The following FAM209A variants were observed in gnomAD, a reference collection of about 807,000 sequenced individuals.
The protein encoded by FAM209A is protein FAM209A.
A neutral mutation model predicts 9.8 loss-of-function variants in FAM209A; 4 were observed. That is an observed-to-expected ratio of 0.41 (90% CI 0.20 to 0.94). The LOEUF (loss-of-function observed/expected upper bound fraction) is 0.94. Ranked by LOEUF, FAM209A falls within the 40% of genes least tolerant of loss-of-function variation. The pLI, the probability that FAM209A is intolerant of heterozygous loss-of-function variation, is 0.32. For synonymous variants in FAM209A, 55 were observed against 77.8 expected (o/e 0.71, Z 1.54); for missense variants, 205 against 209.4 (o/e 0.98, Z 0.13).
chr20:56,530,046 A>C (rs1215007451), downstream of FAM209A, among the ~76,000 whole-genome samples: 1 of 151,652 alleles, frequency 6.6e-6, no homozygotes, highest in Non-Finnish European at 1.5e-5. Flanking sequence ...ACAAAAATCC[A>C]CTCAACCACC....
chr20:56,532,983 A>G, the FAM209A span, among the ~76,000 whole-genome samples: 2 of 152,198 alleles, frequency 1.3e-5, no homozygotes, highest in Admixed American at 1.3e-4. Context: ...GGCACATGGC[A>G]TCTCCCTCTG....
downstream of FAM209A, among the ~76,000 whole-genome samples, chr20:56,530,798 T>C (rs1436446400): frequency 6.6e-6 from 1 of 151,722 alleles, no homozygotes; most frequent in African/African-American, 2.4e-5. Flanking sequence ...CATGAGCCAC[T>C]GCCCCTGGCC....
downstream of FAM209A, among the ~76,000 whole-genome samples, chr20:56,528,663 C>G (rs1985640791): frequency 3.9e-5 from 6 of 152,186 alleles, no homozygotes; most frequent in South Asian, 1.2e-3. Flanking sequence ...GAATCTCTCT[C>G]TCTGACTTTC....
rs746905341 is a variant in FAM209A at position 56,524,905 on chromosome 20, C to T, written c.97C>T (p.Gln33Ter). Reference sequence around the variant, plus strand: ...TCTGAGACAGAAAACTAGCGAACCCCAGGGGAAGGTGCAATACGGAGAGCA... The same window carrying T: ...TCTGAGACAGAAAACTAGCGAACCCTAGGGGAAGGTGCAATACGGAGAGCA... ...SSLRQKTSEP[Q>*]GKVQYGEHFR... Residue 33 changes from glutamine to a stop codon, truncating the protein, a stop_gained, in exon 1 of 2, where the codon CAG (glutamine) becomes TAG (stop). Coordinates refer to ENST00000371328, the MANE Select transcript of FAM209A (RefSeq NM_001012971.4). LOFTEE classifies it high-confidence loss of function. 1 of 1,613,820 alleles carries T rather than the reference C, an allele frequency of 6.2e-7. No homozygotes were observed. The highest frequency in any genetic ancestry group is 8.5e-7 in the Non-Finnish European group (1 of 1,179,820).
At position 56,524,989 on chromosome 20, in the gene FAM209A, C is replaced by T. The variant is rs773146210; in HGVS notation, c.181C>T (p.Leu61Phe). 2 of 1,614,190 alleles carry T rather than the reference C, an allele frequency of 1.2e-6. No homozygotes were observed. The highest frequency in any genetic ancestry group is 1.7e-6 in the Non-Finnish European group (2 of 1,180,038). The change falls in exon 1 of 2, where the codon CTC becomes TTC. Residue 61 changes from leucine to phenylalanine, a missense_variant. Coordinates refer to ENST00000371328, the MANE Select transcript of FAM209A (RefSeq NM_001012971.4). ...CCAAGGCTGGCTTGGGAGCAAATGG[C>T]TCTGGCTTCTTTTTGTTGTTGTGCC... Reference protein sequence around the residue: ...HTQGWLGSKWLWLLFVVVPFV... With the variant: ...HTQGWLGSKWFWLLFVVVPFV...
chr20:56,530,596 A>C (rs1830334478), downstream of FAM209A, among the ~76,000 whole-genome samples: 2 of 152,080 alleles, frequency 1.3e-5, no homozygotes, highest in Non-Finnish European at 2.9e-5. Flanking sequence ...TCCTGGGCTC[A>C]AGCGATTCTC....
At chr20:56,531,449 C>A in the FAM209A span, among the ~76,000 whole-genome samples, 1 of 147,462 alleles carries the variant, frequency 6.8e-6, no homozygotes, top group Non-Finnish European at 1.5e-5. Context: ...CAGGCATGCA[C>A]CACCATGCCC....
At chr20:56,531,034 T>C (rs1473916736), downstream of FAM209A, among the ~76,000 whole-genome samples, 2 of 152,186 alleles carry the variant, frequency 1.3e-5, no homozygotes, top group Non-Finnish European at 2.9e-5. Context: ...TTTCATGTCA[T>C]TTTAAAGAAC....
At chr20:56,527,145 C>T (rs1409905565), downstream of FAM209A, among the ~76,000 whole-genome samples, 35 of 151,978 alleles carry the variant, frequency 2.3e-4, no homozygotes, top group Admixed American at 2.2e-3. Context: ...TGGAATTCTG[C>T]TGTAAGAAGA....
chr20:56,531,295 C>G, the FAM209A span, among the ~76,000 whole-genome samples: 2 of 147,718 alleles, frequency 1.4e-5, no homozygotes, highest in East Asian at 2.0e-4. Flanking sequence ...TTTCTTCTTT[C>G]TTTGTTTTTT....
At chr20:56,532,911 TC>T in the FAM209A span, among the ~76,000 whole-genome samples, 1 of 152,188 alleles carries the variant, frequency 6.6e-6, no homozygotes, top group Admixed American at 6.5e-5. Flanking sequence ...CATAGGTGGC[TC>T]CGAGTTTGTA....
At chr20:56,529,377 CATG>C (rs1985664601), downstream of FAM209A, among the ~76,000 whole-genome samples, 1 of 142,122 alleles carries the variant, frequency 7.0e-6, no homozygotes, top group Non-Finnish European at 1.5e-5. Context: ...ATTAGCGAAG[CATG>C]GTGGTGGGTG....
At chr20:56,525,082 C>A in intron 1 of FAM209A, 25 bp downstream of exon 1, 1 of 1,610,518 alleles carries the variant, frequency 6.2e-7, no homozygotes, top group East Asian at 2.2e-5. Context: ...ATTTTTTTTA[C>A]ACCATATTGA....
In FAM209A at chr20:56,524,857, A is replaced by G. The variant is rs1985449672; in HGVS notation, c.49A>G (p.Ser17Gly). Residue 17 changes from serine (S) to glycine (G), a missense_variant, in exon 1 of 2, where the codon AGC becomes GGC. Coordinates refer to ENST00000371328, the MANE Select transcript of FAM209A (RefSeq NM_001012971.4). ...GGTCCTGCTTCTGTGCCTCACCTGC[A>G]GCTATGCCTTTATGTTCTCTTCTCT... ...SLVLLLCLTC[S>G]YAFMFSSLRQ... is the part of the protein sequence containing the mutation. The G allele has an allele frequency of 9.3e-6, 15 of 1,614,226 alleles. No homozygotes were observed. Among genetic ancestry groups the G allele is most frequent in the Non-Finnish European group, 1.3e-5 (15 of 1,180,040 alleles).
At chr20:56,532,736 C>T in the FAM209A span, among the ~76,000 whole-genome samples, 1 of 152,106 alleles carries the variant, frequency 6.6e-6, no homozygotes, top group Non-Finnish European at 1.5e-5. Context: ...CCCGCCTCAG[C>T]CTCCCAAAGT....
Position 56,524,815 on chromosome 20 carries a change from A to G in FAM209A, c.7A>G (p.Thr3Ala), listed in dbSNP as rs1437343738. The change falls in exon 1 of 2, where the codon ACG (threonine) becomes GCG (alanine). Residue 3 changes from threonine to alanine, a missense_variant. Thr to Ala is a moderately conservative substitution (Grantham distance 58). Coordinates refer to ENST00000371328, the MANE Select transcript of FAM209A (RefSeq NM_001012971.4). MW[T>A]LKSSLVLLLC... ...TTCCCCATCTCTGCTCACCATGTGG[A>G]CGCTGAAATCGTCCCTGGTCCTGCT... 1 of 1,614,062 alleles carries G rather than the reference A, an allele frequency of 6.2e-7. No individual in the cohort carries two copies. The highest frequency in any genetic ancestry group is 2.2e-5 in the East Asian group (1 of 44,894).
downstream of FAM209A, among the ~76,000 whole-genome samples, chr20:56,528,183 T>A (rs1268671271): frequency 1.3e-5 from 2 of 151,814 alleles, no homozygotes; most frequent in Non-Finnish European, 2.9e-5. Flanking sequence ...CTTGGGAGGC[T>A]AAGGTAGGAG....
At chr20:56,527,542 A>G (rs542307772), downstream of FAM209A, among the ~76,000 whole-genome samples, 3 of 152,348 alleles carry the variant, frequency 2.0e-5, no homozygotes, top group African/African-American at 7.2e-5. Flanking sequence ...GGTCCCAGGA[A>G]TGAGTGCATA....
the FAM209A span, among the ~76,000 whole-genome samples, chr20:56,532,802 G>C: frequency 6.6e-6 from 1 of 151,972 alleles, no homozygotes; most frequent in African/African-American, 2.4e-5. Context: ...ATTTTCAAAG[G>C]AAGCCGGAAA....
Sources: allele counts gnomAD v4.1 joint callset (sites outside exome capture counted in the v4.1 genomes callset), GRCh38; gene constraint gnomAD v4.1.1; transcripts MANE v1.5; gene names NCBI Gene and HGNC (gene_info 2026-07-23, HGNC 2026-07-21).